The following FAM117B variants were observed in gnomAD, a reference collection of about 807,000 sequenced individuals.
FAM117B encodes protein FAM117B.
A neutral mutation model predicts 52.8 loss-of-function variants in FAM117B; 22 were observed. The ratio of observed to expected loss-of-function variants is 0.42; its 90% CI spans 0.30 to 0.59. FAM117B has a LOEUF of 0.59. Among genes scored for constraint, FAM117B ranks in the 20% least tolerant of loss-of-function variants. The pLI is 0.22. For missense variants in FAM117B, 678 were observed against 802.6 expected, an observed-to-expected ratio of 0.84 and a Z score of 1.88; for synonymous variants, 309 against 324.1, an observed-to-expected ratio of 0.95 and a Z score of 0.50.
At chr2:202,689,853 GGCTGCTGTGAGCCCTGATCCCACC>G (rs1010792471) in intron 1 of FAM117B, among the ~76,000 whole-genome samples, 13 of 152,120 alleles carry the variant, frequency 8.5e-5, no homozygotes, top group African/African-American at 2.2e-4. Context: ...AGGATGGTGA[GGCTGCTGTGAGCCCTGATCCCACC>G]GCTGCTGTGA....
intron 1 of FAM117B, among the ~76,000 whole-genome samples, chr2:202,644,190 T>C (rs1044464409): frequency 1.4e-4 from 22 of 151,950 alleles, no homozygotes; most frequent in African/African-American, 4.6e-4. Context: ...CATCTTTTGG[T>C]TAAATCAGTA....
chr2:202,745,279 C>CAA (rs199723740), intron 4 of FAM117B, among the ~76,000 whole-genome samples: 2 of 115,574 alleles, frequency 1.7e-5, no homozygotes, highest in East Asian at 2.6e-4. Flanking sequence ...GACTCTGTGT[C>CAA]AAAAAAAAAA....
chr2:202,659,217 G>T (rs1036216665), intron 1 of FAM117B, among the ~76,000 whole-genome samples: 1 of 152,018 alleles, frequency 6.6e-6, no homozygotes, highest in Non-Finnish European at 1.5e-5. Context: ...TGTTGCCCAG[G>T]CTGGTCTTGA....
At chr2:202,737,073 C>G (rs1366351845) in intron 4 of FAM117B, among the ~76,000 whole-genome samples, 1 of 152,038 alleles carries the variant, frequency 6.6e-6, no homozygotes, top group African/African-American at 2.4e-5. Flanking sequence ...AACAGCAACT[C>G]TAAAAGACAG....
chr2:202,708,983 C>G (rs575874428), intron 2 of FAM117B, among the ~76,000 whole-genome samples: 9 of 152,190 alleles, frequency 5.9e-5, no homozygotes, highest in African/African-American at 2.2e-4. Context: ...CAACAGTGTA[C>G]AGGCGTTCCA....
rs931596141 is a variant in FAM117B at position 202,635,785 on chromosome 2, G to A, written c.598G>A (p.Ala200Thr). ...GAGCCCCAGCGCCCCGGTTTGCAAA[G>A]CAGGTAAGTGCTGGGGGTCGCGCAG... The part of the protein sequence containing the change: ...KRSPSAPVCK[A>T]GDKTRQPSSS... The change falls in exon 1 of 8, where the codon GCA becomes ACA. Residue 200 changes from alanine to threonine, a missense_variant. Physicochemically the swap from Ala to Thr is moderately conservative, Grantham distance 58. Around this residue, in one of 3 missense-constraint regions of FAM117B, gnomAD observed 583 missense variants for 644.8 expected, o/e 0.90. Transcript: ENST00000392238. 3 of 1,449,434 alleles carry A rather than the reference G, an allele frequency of 2.1e-6. No homozygotes were observed. The highest frequency in any genetic ancestry group is 2.7e-6 in the Non-Finnish European group (3 of 1,102,940). 89.8% of individuals were successfully genotyped at this position (1,449,434 alleles called of 1,614,324 possible). A position where few individuals can be genotyped will look rare whatever the true frequency, so the allele number is the denominator to read the frequency against.
In FAM117B at chr2:202,766,728, AG is replaced by A. The variant is rs1387850860; in HGVS notation, c.*966del. 1 of 152,250 alleles carries A rather than the reference AG, an allele frequency of 6.6e-6. No homozygotes were observed. Among genetic ancestry groups the A allele is most frequent in the East Asian group, 1.9e-4 (1 of 5,176 alleles). The allele number at this position is 152,250 out of a possible 1,614,324, so 9.4% of individuals were successfully genotyped here. A position where few individuals can be genotyped will look rare whatever the true frequency, so the allele number is the denominator to read the frequency against. On this transcript the variant is annotated 3_prime_UTR_variant, in exon 8 of 8. Coordinates refer to ENST00000392238, the MANE Select transcript of FAM117B (RefSeq NM_173511.4). ...TCACACGCTCTCCCTCCTTTACCAC[AG>A]GTGTCATTCTACCTTTAATCATCAC...
chr2:202,693,237 G>A (rs1445322084), intron 1 of FAM117B, among the ~76,000 whole-genome samples: 1 of 152,098 alleles, frequency 6.6e-6, no homozygotes, highest in African/African-American at 2.4e-5. Context: ...TTATAGAAAT[G>A]CCTAAATTAG....
chr2:202,720,753 A>G (rs1474060411), intron 2 of FAM117B, among the ~76,000 whole-genome samples: 3 of 152,146 alleles, frequency 2.0e-5, no homozygotes, highest in South Asian at 4.1e-4. Context: ...CCTTAATTAC[A>G]TTAAGTTTTT....
At chr2:202,714,769 C>T (rs1433429520) in intron 2 of FAM117B, among the ~76,000 whole-genome samples, 1 of 152,004 alleles carries the variant, frequency 6.6e-6, no homozygotes, top group East Asian at 1.9e-4. Flanking sequence ...ATCTGTTTAA[C>T]AAAGCACATC....
chr2:202,722,770 A>G (rs1691175535), intron 2 of FAM117B, among the ~76,000 whole-genome samples: 1 of 152,102 alleles, frequency 6.6e-6, no homozygotes, highest in Non-Finnish European at 1.5e-5. Flanking sequence ...ACAAACCCCC[A>G]TGACACGAGT....
At chr2:202,713,812 T>TGCC in intron 2 of FAM117B, among the ~76,000 whole-genome samples, 1 of 152,324 alleles carries the variant, frequency 6.6e-6, no homozygotes, top group South Asian at 2.1e-4. Context: ...GTTCAAACAA[T>TGCC]TCTCTTGCCT....
intron 1 of FAM117B, among the ~76,000 whole-genome samples, chr2:202,694,903 C>A (rs777295905): frequency 2.0e-5 from 3 of 152,128 alleles, no homozygotes; most frequent in African/African-American, 4.8e-5. Flanking sequence ...ATAACATTGT[C>A]ACTAATTTTT....
At chr2:202,713,376 C>T (rs1440195277) in intron 2 of FAM117B, among the ~76,000 whole-genome samples, 1 of 152,084 alleles carries the variant, frequency 6.6e-6, no homozygotes, top group Non-Finnish European at 1.5e-5. Context: ...GTTGTAATAT[C>T]TACTTTTCCC....
At chr2:202,642,364 T>TATATATATAA (rs1356064400) in intron 1 of FAM117B, among the ~76,000 whole-genome samples, 1 of 148,386 alleles carries the variant, frequency 6.7e-6, no homozygotes, top group African/African-American at 2.5e-5. Context: ...TATATATATA[T>TATATATATAA]AAAATGAGTA....
rs769211210 is a variant in FAM117B, at chr2:202,759,353, C to T, written c.1451C>T (p.Ser484Leu). The T allele has an allele frequency of 1.2e-6, 2 of 1,607,056 alleles. No individual in the cohort carries two copies. Among genetic ancestry groups the T allele is most frequent in the South Asian group, 1.1e-5 (1 of 89,044 alleles). The change falls in exon 7 of 8, where the codon TCG (serine) becomes TTG (leucine). Residue 484 changes from serine to leucine, a missense_variant and splice_region_variant. Ser to Leu is a moderately radical substitution (Grantham distance 145). Around this residue, in one of 3 missense-constraint regions of FAM117B, gnomAD observed 27 missense variants for 77.3 expected, o/e 0.35. Coordinates refer to ENST00000392238, the MANE Select transcript of FAM117B (RefSeq NM_173511.4). ...CERVKVFEECSPKQLHEIPAF... is the reference protein window; with the variant it reads ...CERVKVFEECLPKQLHEIPAF... ...AGGGTCAAAGTCTTTGAGGAATGCT[C>T]GTAAGTATCCCTTCCACCATCCCCA... is the stretch of plus-strand genomic sequence containing the variant.
In FAM117B at chr2:202,706,943, C is replaced by T. The variant is rs544954388; in HGVS notation, c.753+10911C>T. ...CCTAGGAGTCTGAGAATTTTAATTT[C>T]GAAATCTTTACTACTTGGAGTTGTG... On this transcript the variant is annotated intron_variant, in intron 2 of 7. Coordinates refer to ENST00000392238, the MANE Select transcript of FAM117B (RefSeq NM_173511.4). Among the ~76,000 whole-genome samples the T allele has an allele frequency of 3.5e-4, 54 of 152,226 alleles. 1 individual carries two copies. The highest frequency in any genetic ancestry group is 2.5e-3 in the Admixed American group (38 of 15,290).
intron 1 of FAM117B, among the ~76,000 whole-genome samples, chr2:202,693,512 C>T (rs1267062546): frequency 2.0e-5 from 3 of 152,184 alleles, no homozygotes; most frequent in Non-Finnish European, 4.4e-5. Context: ...AGGAGAATCA[C>T]CTGAACCTGG....
At chr2:202,732,883 A>G (rs1237746433) in intron 4 of FAM117B, among the ~76,000 whole-genome samples, 2 of 151,586 alleles carry the variant, frequency 1.3e-5, no homozygotes, top group African/African-American at 2.4e-5. Context: ...TAAAAAAAAA[A>G]AAAAGACACA....
Sources: gnomAD v4.1 joint callset for allele counts (sites outside exome capture counted in the v4.1 genomes callset) on GRCh38, gnomAD v4.1.1 for gene constraint, gnomAD v4.1.1 regional missense constraint, MANE v1.5 for transcripts, NCBI Gene and HGNC (gene_info 2026-07-23, HGNC 2026-07-21) for gene names.